The following DMD variants were observed in gnomAD, a reference collection of about 807,000 sequenced individuals.
The protein encoded by DMD is dystrophin.
Under a neutral mutation model 330.1 loss-of-function variants are expected in DMD, and 63 were observed. The observed-to-expected ratio is 0.19, with a 90% CI of 0.16 to 0.24. The LOEUF (loss-of-function observed/expected upper bound fraction) is 0.24. DMD is among the 10% of genes least tolerant of loss of function. The pLI is 1.00. For synonymous variants in DMD, 1,223 were observed against 959.8 expected, an observed-to-expected ratio of 1.27 and a Z score of -5.07; for missense variants, 3,344 against 2,684.1, an observed-to-expected ratio of 1.25 and a Z score of -5.43.
chrX:31,558,314 T>C (rs1202463388), intron 55 of DMD, among the ~76,000 whole-genome samples: 1 of 111,648 alleles, frequency 9.0e-6, no homozygotes, highest in African/African-American at 3.3e-5. Flanking sequence ...TTATGACCTC[T>C]TTCTCTCTCT....
At chrX:33,235,204 C>T (rs1467419544) in intron 1 of DMD, among the ~76,000 whole-genome samples, 1 of 111,829 alleles carries the variant, frequency 8.9e-6, no homozygotes, top group Non-Finnish European at 1.9e-5. Flanking sequence ...TTAACCCCTA[C>T]ACAACGTTTT....
intron 47 of DMD, among the ~76,000 whole-genome samples, chrX:31,891,791 G>A (rs995382504): frequency 7.2e-5 from 8 of 111,752 alleles, no homozygotes; most frequent in African/African-American, 2.3e-4. Flanking sequence ...AGGTGTTCAA[G>A]GAGTTGTGGC....
At chrX:31,420,305 G>C (rs5972387) in intron 60 of DMD, among the ~76,000 whole-genome samples, 51,854 of 111,024 alleles carry the variant, frequency 0.47, 9,165 homozygotes, top group African/African-American at 0.6. Flanking sequence ...CTGTGAGTTG[G>C]TCATGTTTTT....
At chrX:32,885,391 C>T (rs2084416831) in intron 2 of DMD, among the ~76,000 whole-genome samples, 1 of 108,964 alleles carries the variant, frequency 9.2e-6, no homozygotes, top group South Asian at 4.0e-4. Flanking sequence ...AACTGCACTA[C>T]TGATAACTGC....
chrX:31,830,612 C>A lies in DMD; in HGVS notation c.7200+6106G>T, dbSNP rs188985656. Among the ~76,000 whole-genome samples, 573 of 111,721 alleles carry A rather than the reference C, an allele frequency of 5.1e-3. 7 individuals carry two copies. Among genetic ancestry groups the A allele is most frequent in the African/African-American group, 0.018 (551 of 30,770 alleles). ...TCCGTCTCAAAAACAAACAAACAAC[C>A]AAAATCATATCTAAGAAAAATGAAA... On this transcript the variant is annotated intron_variant, in intron 49 of 78. Coordinates refer to ENST00000357033, the MANE Select transcript of DMD (RefSeq NM_004006.3).
intron 1 of DMD, among the ~76,000 whole-genome samples, chrX:33,084,368 G>A (rs1398389821): frequency 8.9e-6 from 1 of 112,594 alleles, no homozygotes. Flanking sequence ...AGTAATTCAT[G>A]CAGAGCTGGC....
intron 41 of DMD, among the ~76,000 whole-genome samples, chrX:32,325,584 C>A (rs2097646840): frequency 9.0e-6 from 1 of 111,534 alleles, no homozygotes; most frequent in Admixed American, 9.6e-5. Flanking sequence ...AATTTCACAT[C>A]ATCACCTAAA....
chrX:31,265,795 G>C lies in DMD; in HGVS notation c.9225-4779C>G, dbSNP rs769326447. 4.7e-3 allele frequency among the ~76,000 whole-genome samples: 336 copies of C among 70,767 alleles called. 4 individuals carry two copies. Among genetic ancestry groups the C allele is most frequent in the Non-Finnish European group, 7.6e-3 (290 of 38,065 alleles). The allele number at this position is 70,767 out of a possible 115,157, so 61.5% of individuals were successfully genotyped here. A position where few individuals can be genotyped will look rare whatever the true frequency, so the allele number is the denominator to read the frequency against. ...TTGATTGGGGGTGTGGGGGGGGGGG[G>C]GGTGGGTGACAAGGAGAGATGACAG... On this transcript the variant is annotated intron_variant, in intron 62 of 78. Transcript: ENST00000357033.
intron 55 of DMD, among the ~76,000 whole-genome samples, chrX:31,586,731 T>C (rs1474345350): frequency 1.8e-5 from 2 of 112,204 alleles, no homozygotes; most frequent in African/African-American, 6.5e-5. Flanking sequence ...ATCAAGACAT[T>C]TCTCAGAGCC....
At position 32,844,868 on chromosome X, in the gene DMD, C is replaced by A; in HGVS notation, c.187-8G>T. 8.3e-7 allele frequency: 1 copy of A among 1,201,163 alleles called. No homozygotes were observed. Among genetic ancestry groups the A allele is most frequent in the Non-Finnish European group, 1.1e-6 (1 of 886,249 alleles). ...GGATCCTTTTTCTTTTGGCTGAGAACAAAACAAAAGAGTGTTCACTGACCA... is the reference window on the plus strand; with the variant it reads ...GGATCCTTTTTCTTTTGGCTGAGAAAAAAACAAAAGAGTGTTCACTGACCA... On this transcript the variant is annotated splice_polypyrimidine_tract_variant and splice_region_variant and intron_variant, in intron 3 of 78. Coordinates refer to ENST00000357033, the MANE Select transcript of DMD (RefSeq NM_004006.3).
rs1603635952 is a variant in DMD at position 32,545,256 on chromosome X, T to C, written c.2071A>G (p.Arg691Gly). 8.3e-7 allele frequency: 1 copy of C among 1,210,610 alleles called. No homozygotes were observed. Among genetic ancestry groups the C allele is most frequent in the East Asian group, 3.0e-5 (1 of 33,827 alleles). ...GCATGCTTTACCAGGATCTGTTCCC[T>C]TGTGGTCACCGTAGTTACTGTTTCC... is the stretch of plus-strand genomic sequence containing the variant. ...VMETVTTVTTREQILVKHAQE... is the reference protein window; with the variant it reads ...VMETVTTVTTGEQILVKHAQE... Residue 691 changes from arginine (R) to glycine (G), a missense_variant, in exon 17 of 79, where the codon AGG becomes GGG. Transcript: ENST00000357033.
At chrX:31,357,448 G>A (rs1430612890) in intron 60 of DMD, among the ~76,000 whole-genome samples, 1 of 110,387 alleles carries the variant, frequency 9.1e-6, no homozygotes, top group East Asian at 2.8e-4. Flanking sequence ...GTAGATAAAT[G>A]CAAAAAGATA....
intron 1 of DMD, among the ~76,000 whole-genome samples, chrX:33,277,980 C>T (rs2053263198): frequency 9.1e-6 from 1 of 110,171 alleles, no homozygotes; most frequent in African/African-American, 3.3e-5. Flanking sequence ...TGGTGTGTGC[C>T]TGTAGTCCCA....
At chrX:31,155,136 A>C (rs1039313510) in intron 74 of DMD, among the ~76,000 whole-genome samples, 10 of 112,377 alleles carry the variant, frequency 8.9e-5, no homozygotes, top group Non-Finnish European at 1.7e-4. Context: ...GAAAACATGA[A>C]AGCAGCTGGC....
At chrX:31,982,755 A>G (rs1810636642) in intron 44 of DMD, among the ~76,000 whole-genome samples, 1 of 108,422 alleles carries the variant, frequency 9.2e-6, no homozygotes, top group South Asian at 4.1e-4. Flanking sequence ...TTTAAATATG[A>G]TATTTTAAAA....
At chrX:31,832,458 T>A (rs780550160) in intron 49 of DMD, among the ~76,000 whole-genome samples, 86 of 112,046 alleles carry the variant, frequency 7.7e-4, no homozygotes, top group African/African-American at 2.6e-3. Context: ...TGGTTGTGAC[T>A]GACTGTAATT....
chrX:32,585,766 C>T (rs1395068073), intron 13 of DMD, among the ~76,000 whole-genome samples: 2 of 103,665 alleles, frequency 1.9e-5, no homozygotes, highest in Non-Finnish European at 3.9e-5. Flanking sequence ...CTTATATTTC[C>T]CCTGTAATTT....
At position 32,815,520 on chromosome X, in the gene DMD, T is replaced by TATATACAC; in HGVS notation, c.530+947_530+948insGTGTATAT. Among the ~76,000 whole-genome samples, 393 of 78,890 alleles carry TATATACAC rather than the reference T, an allele frequency of 5.0e-3. 3 individuals are homozygous for TATATACAC. The highest frequency in any genetic ancestry group is 0.011 in the African/African-American group (203 of 18,838). The allele number at this position is 78,890 out of a possible 115,157, so 68.5% of individuals were successfully genotyped here. A position where few individuals can be genotyped will look rare whatever the true frequency, so the allele number is the denominator to read the frequency against. Reference sequence around the variant, plus strand: ...ATATATATATATATATATATATATATACACACACACACACACATATATATA... The same window carrying TATATACAC: ...ATATATATATATATATATATATATATATATACACACACACACACACACACATATATATA... On this transcript the variant is annotated intron_variant, in intron 6 of 78. Coordinates refer to ENST00000357033, the MANE Select transcript of DMD (RefSeq NM_004006.3).
intron 2 of DMD, among the ~76,000 whole-genome samples, chrX:32,850,598 G>C (rs1447667518): frequency 9.0e-6 from 1 of 111,338 alleles, no homozygotes; most frequent in Non-Finnish European, 1.9e-5. Context: ...AACTAGAATG[G>C]GGTAAAGCCA....
Sources: gnomAD v4.1 joint callset for allele counts (sites outside exome capture counted in the v4.1 genomes callset) on GRCh38, gnomAD v4.1.1 for gene constraint, MANE v1.5 for transcripts, NCBI Gene and HGNC (gene_info 2026-07-23, HGNC 2026-07-21) for gene names.